NCKAP5L: variants seen among roughly 807,000 people sequenced by gnomAD.
The protein encoded by NCKAP5L is NCK associated protein 5 like.
Under a neutral mutation model 103.2 loss-of-function variants are expected in NCKAP5L, and 54 were observed. The observed-to-expected ratio is 0.52, with a 90% CI of 0.42 to 0.66. The LOEUF is 0.66. Among genes scored for constraint, NCKAP5L ranks in the 30% least tolerant of loss-of-function variants. The pLI is 0.00. For missense variants in NCKAP5L, 1,733 were observed against 1,750.6 expected (o/e 0.99, Z 0.18); for synonymous variants, 762 against 748.6 (o/e 1.02, Z -0.29).
intron 6 of NCKAP5L, among the ~76,000 whole-genome samples, chr12:49,801,221 G>A (rs1421986939): frequency 6.6e-6 from 1 of 152,182 alleles, no homozygotes; most frequent in Non-Finnish European, 1.5e-5. Flanking sequence ...AGGGGAAGGG[G>A]CTGGCTAACC....
At position 49,793,867 on chromosome 12, in the gene NCKAP5L, C is replaced by A; in HGVS notation, c.3125G>T (p.Ser1042Ile). The A allele has an allele frequency of 6.4e-7, 1 of 1,566,676 alleles. No individual in the cohort carries two copies. Among genetic ancestry groups the A allele is most frequent in the South Asian group, 1.2e-5 (1 of 83,962 alleles). ...RVDGKELPSK[S>I]WREPKPEYGD... is the part of the protein sequence containing the mutation. ...GTACTCAGGCTTGGGCTCCCGCCAG[C>A]TCTTGGATGGCAGCTCCTTGCCATC... The change falls in exon 9 of 13, where the codon AGC becomes ATC. Residue 1042 changes from serine to isoleucine, a missense_variant. By Grantham distance (142) the Ser-to-Ile change is moderately radical. Transcript: ENST00000335999.
rs780128057 is a variant in NCKAP5L at position 49,795,948 on chromosome 12, G to A, written c.1912C>T (p.Pro638Ser). ...SESPHPGRRT[P>S]GNSSKKPSQG... ...CTGGGCTTCTTGGATGAGTTGCCTGGGGTCCTGCGGCCGGGATGGGGAGAC... is the reference window on the plus strand; with the variant it reads ...CTGGGCTTCTTGGATGAGTTGCCTGAGGTCCTGCGGCCGGGATGGGGAGAC... Residue 638 changes from proline to serine, a missense_variant, in exon 8 of 13, where the codon CCA (proline) becomes TCA (serine). Pro to Ser is a moderately conservative substitution (Grantham distance 74). Coordinates refer to ENST00000335999, the MANE Select transcript of NCKAP5L (RefSeq NM_001037806.4). 1 of 1,530,000 alleles carries A rather than the reference G, an allele frequency of 6.5e-7. No homozygotes were observed. Among genetic ancestry groups the A allele is most frequent in the Non-Finnish European group, 8.7e-7 (1 of 1,145,552 alleles). The allele number at this position is 1,530,000 out of a possible 1,614,324, so 94.8% of individuals were successfully genotyped here. A position where few individuals can be genotyped will look rare whatever the true frequency, so the allele number is the denominator to read the frequency against.
At chr12:49,800,770 G>A (rs956515230) in intron 6 of NCKAP5L, among the ~76,000 whole-genome samples, 2 of 152,250 alleles carry the variant, frequency 1.3e-5, no homozygotes, top group African/African-American at 4.8e-5. Flanking sequence ...CTCTGGGGAA[G>A]ATAAATCTAT....
In NCKAP5L at chr12:49,804,084, C is replaced by G. The variant is rs572550579; in HGVS notation, c.-36-4G>C. 4.8e-5 allele frequency: 77 copies of G among 1,602,286 alleles called. No homozygotes were observed. In the African/African-American group the frequency reaches 9.2e-4, roughly 19 times the overall value. ...AAGGAAGAGAAGCCCCGGCAGGCTACTCCAGGGAATGAGGAGGAAGTGAGA... is the reference window on the plus strand; with the variant it reads ...AAGGAAGAGAAGCCCCGGCAGGCTAGTCCAGGGAATGAGGAGGAAGTGAGA... On this transcript the variant is annotated splice_region_variant and splice_polypyrimidine_tract_variant and intron_variant, in intron 2 of 12. Coordinates refer to ENST00000335999, the MANE Select transcript of NCKAP5L (RefSeq NM_001037806.4).
At chr12:49,826,209 G>T (rs963700843) in intron 1 of NCKAP5L, among the ~76,000 whole-genome samples, 2 of 152,118 alleles carry the variant, frequency 1.3e-5, no homozygotes, top group African/African-American at 4.8e-5. Flanking sequence ...ATAAGAGGGC[G>T]GGTGGGTGAG....
chr12:49,793,662 C>T lies in NCKAP5L; in HGVS notation c.3258+72G>A. ...CTCATGGTCTTGGGGAAGGGGAACCCTCTAGGGGGTAAGAGACCTGGCAGG... is the reference window on the plus strand; with the variant it reads ...CTCATGGTCTTGGGGAAGGGGAACCTTCTAGGGGGTAAGAGACCTGGCAGG... On this transcript the variant is annotated intron_variant, in intron 9 of 12. Coordinates refer to ENST00000335999, the MANE Select transcript of NCKAP5L (RefSeq NM_001037806.4). 4 of 1,467,092 alleles carry T rather than the reference C, an allele frequency of 2.7e-6. No individual in the cohort carries two copies. The South Asian group carries it at 5.7e-5, about 21-fold the overall frequency. The allele number at this position is 1,467,092 out of a possible 1,614,324, so 90.9% of individuals were successfully genotyped here.
At position 49,796,693 on chromosome 12, in the gene NCKAP5L, G is replaced by A; in HGVS notation, c.1167C>T (p.His389=). The A allele has an allele frequency of 2.5e-6, 4 of 1,594,392 alleles. No individual in the cohort carries two copies. The highest frequency in any genetic ancestry group is 3.4e-6 in the Non-Finnish European group (4 of 1,170,904). The change falls in exon 8 of 13, where the codon CAC becomes CAT. Residue 389 remains histidine, a synonymous_variant. Coordinates refer to ENST00000335999, the MANE Select transcript of NCKAP5L (RefSeq NM_001037806.4). ...SAWGGGTPEA[H]RPGFGATSEG... ...CTGAGGTAGCACCGAAGCCTGGCCT[G>A]TGGGCCTCTGGGGTACCCCCACCCC...
chr12:49,818,012 C>T (rs1284153413), intron 1 of NCKAP5L, among the ~76,000 whole-genome samples: 1 of 151,894 alleles, frequency 6.6e-6, no homozygotes, highest in Non-Finnish European at 1.5e-5. Context: ...GCCTGTAATT[C>T]CAGCTACTTG....
At chr12:49,828,061 T>A (rs1361403348) in intron 1 of NCKAP5L, among the ~76,000 whole-genome samples, 2 of 113,722 alleles carry the variant, frequency 1.8e-5, no homozygotes, top group African/African-American at 3.3e-5. Context: ...GGCCACGGAG[T>A]GTGCGCGAGG....
At chr12:49,816,941 G>A (rs189439188) in intron 1 of NCKAP5L, among the ~76,000 whole-genome samples, 5 of 152,178 alleles carry the variant, frequency 3.3e-5, no homozygotes, top group African/African-American at 1.2e-4. Context: ...AGCTGGGGGC[G>A]ATTCAGAGAA....
rs778070785 is a variant in NCKAP5L at position 49,792,786 on chromosome 12, G to A, written c.3541C>T (p.Pro1181Ser). 6.2e-7 allele frequency: 1 copy of A among 1,605,536 alleles called. No individual in the cohort carries two copies. The highest frequency in any genetic ancestry group is 1.7e-5 in the Admixed American group (1 of 59,430). The part of the protein sequence containing the change: ...RRAHTLEREV[P>S]GIEELLVSGR... ...CTCACCAGCAGCTCCTCTATGCCTG[G>A]CACCTCCCGCTCCAGTGTGTGGGCG... The change falls in exon 11 of 13, where the codon CCA (proline) becomes TCA (serine). Residue 1181 changes from proline (P) to serine (S), a missense_variant. Physicochemically the swap from Pro to Ser is moderately conservative, Grantham distance 74. Transcript: ENST00000335999. This position sits in a 1 kb window ranked among gnomAD's most constrained non-coding sequence, Gnocchi z 4.5.
intron 1 of NCKAP5L, among the ~76,000 whole-genome samples, chr12:49,817,971 A>G (rs1175731484): frequency 2.6e-5 from 4 of 152,142 alleles, no homozygotes; most frequent in East Asian, 1.9e-4. Flanking sequence ...TCTACTAAAA[A>G]TACAAAAATT....
rs1946039029 is a variant in NCKAP5L at position 49,796,204 on chromosome 12, C to T, written c.1656G>A (p.Val552=). 7 of 1,597,818 alleles carry T rather than the reference C, an allele frequency of 4.4e-6. No individual in the cohort carries two copies. Among genetic ancestry groups the T allele is most frequent in the Non-Finnish European group, 6.0e-6 (7 of 1,172,496 alleles). The change falls in exon 8 of 13, where the codon GTG becomes GTA. Residue 552 remains valine (V), a synonymous_variant. Coordinates refer to ENST00000335999, the MANE Select transcript of NCKAP5L (RefSeq NM_001037806.4). The part of the protein sequence containing the change: ...LSTTLSPGPV[V]SPCYENILDL... ...CCAGAATGTTCTCATAGCAGGGAGA[C>T]ACCACTGGGCCTGGGGACAGCGTGG...
intron 6 of NCKAP5L, among the ~76,000 whole-genome samples, chr12:49,799,372 C>T (rs1034764273): frequency 2.6e-5 from 4 of 151,338 alleles, no homozygotes; most frequent in Non-Finnish European, 2.9e-5. Context: ...TGCAGTGGCA[C>T]GACTGTAGCT....
In NCKAP5L at chr12:49,792,659, C is replaced by A. The variant is rs750421093; in HGVS notation, c.3649+19G>T. 1 of 1,613,152 alleles carries A rather than the reference C, an allele frequency of 6.2e-7. No individual in the cohort carries two copies. The highest frequency in any genetic ancestry group is 2.2e-5 in the East Asian group (1 of 44,828). Reference sequence around the variant, plus strand: ...CCAGGATGCCCAGGGGCATCCCACCCTCCCACCTGGACACTCACCATCAGG... The same window carrying A: ...CCAGGATGCCCAGGGGCATCCCACCATCCCACCTGGACACTCACCATCAGG... On this transcript the variant is annotated intron_variant, in intron 11 of 12. Coordinates refer to ENST00000335999, the MANE Select transcript of NCKAP5L (RefSeq NM_001037806.4). This position sits in a 1 kb window ranked among gnomAD's most constrained non-coding sequence, Gnocchi z 4.5.
At chr12:49,824,869 C>T (rs11169168) in intron 1 of NCKAP5L, among the ~76,000 whole-genome samples, 93 of 152,272 alleles carry the variant, frequency 6.1e-4, no homozygotes, top group African/African-American at 1.9e-3. Context: ...TGCTTTTCCT[C>T]GGTATGTTAC....
At chr12:49,820,030 G>A (rs73114141) in intron 1 of NCKAP5L, among the ~76,000 whole-genome samples, 42,584 of 152,098 alleles carry the variant, frequency 0.28, 6,370 homozygotes, top group South Asian at 0.38. Flanking sequence ...CCTGGCCCAT[G>A]CCAATAACTA....
rs1417888289 is a variant in NCKAP5L at position 49,797,036 on chromosome 12, C to T, written c.824G>A (p.Gly275Asp). ...GGEEDTGRPW[G>D]PSRGPPQAQG... The stretch of plus-strand genomic sequence containing the variant: ...GGCCTGAGGAGGTCCCCTGCTAGGA[C>T]CCCAGGGCCGCCCAGTGTCCTCTTC... Residue 275 changes from glycine to aspartate, a missense_variant, in exon 8 of 13, where the codon GGT becomes GAT. By Grantham distance (94) the Gly-to-Asp change is moderately conservative (BLOSUM62 -1). Transcript: ENST00000335999. The surrounding 1 kb of genome is among the most constrained non-coding windows in gnomAD (Gnocchi z 4.5). 3 of 1,574,608 alleles carry T rather than the reference C, an allele frequency of 1.9e-6. No individual in the cohort carries two copies. Among genetic ancestry groups the T allele is most frequent in the African/African-American group, 1.3e-5 (1 of 74,150 alleles).
chr12:49,806,623 A>G (rs1323359045), intron 1 of NCKAP5L, among the ~76,000 whole-genome samples: 2 of 152,216 alleles, frequency 1.3e-5, no homozygotes, highest in African/African-American at 4.8e-5. Flanking sequence ...GGCAGAGGAT[A>G]TTGCCCAAGT....
Sources: allele counts gnomAD v4.1 joint callset (sites outside exome capture counted in the v4.1 genomes callset), GRCh38; gene constraint gnomAD v4.1.1; non-coding constraint Gnocchi (gnomAD v3.1); transcripts MANE v1.5; gene names NCBI Gene and HGNC (gene_info 2026-07-23, HGNC 2026-07-21).